Variants in LRRC4C observed in about 807,000 individuals in gnomAD.
The protein encoded by LRRC4C is leucine-rich repeat-containing protein 4C.
A neutral mutation model predicts 33.6 loss-of-function variants in LRRC4C; 5 were observed. That is an observed-to-expected ratio of 0.15 (90% CI 0.08 to 0.31). The LOEUF (loss-of-function observed/expected upper bound fraction) is 0.31, where lower values mean the gene tolerates loss of function less well. LRRC4C is among the 10% of genes least tolerant of loss of function. The pLI, the probability that LRRC4C is intolerant of heterozygous loss-of-function variation, is 1.00. For synonymous variants in LRRC4C, 329 were observed against 302.0 expected, an observed-to-expected ratio of 1.09 and a Z score of -0.93; for missense variants, 560 against 796.7, an observed-to-expected ratio of 0.70 and a Z score of 3.58.
chr11:40,630,921 G>A (rs1348230266), intron 3 of LRRC4C, among the ~76,000 whole-genome samples: 1 of 151,884 alleles, frequency 6.6e-6, no homozygotes, highest in Non-Finnish European at 1.5e-5. Flanking sequence ...ATTTTCTCTG[G>A]GGCACAGTTT....
chr11:40,473,776 G>T (rs1350953226), intron 3 of LRRC4C, among the ~76,000 whole-genome samples: 2 of 151,998 alleles, frequency 1.3e-5, no homozygotes, highest in Non-Finnish European at 2.9e-5. Flanking sequence ...AAAATCAATG[G>T]ACAAAAATCA....
intron 3 of LRRC4C, among the ~76,000 whole-genome samples, chr11:40,627,270 A>AGAGC (rs542738826): frequency 0.049 from 3,235 of 65,680 alleles, 47 homozygotes; most frequent in South Asian, 0.13. Flanking sequence ...AGAGAGAGAG[A>AGAGC]GAGAGCGAGA....
intron 5 of LRRC4C, among the ~76,000 whole-genome samples, chr11:40,237,846 A>G (rs532819322): frequency 6.6e-6 from 1 of 152,322 alleles, no homozygotes; most frequent in African/African-American, 2.4e-5. Context: ...AAGTTGGAGC[A>G]TGAGAAGGAA....
At chr11:41,287,400 G>C (rs966104365) in intron 1 of LRRC4C, among the ~76,000 whole-genome samples, 5 of 152,122 alleles carry the variant, frequency 3.3e-5, no homozygotes, top group Admixed American at 6.6e-5. Flanking sequence ...TTTGACTCAA[G>C]TATTAGGTTG....
chr11:41,088,456 C>A (rs1940165328), intron 1 of LRRC4C, among the ~76,000 whole-genome samples: 1 of 92,700 alleles, frequency 1.1e-5, no homozygotes. Flanking sequence ...TTGGTATTAA[C>A]CTGGCTCTTT....
intron 1 of LRRC4C, among the ~76,000 whole-genome samples, chr11:41,036,453 T>C (rs1484299180): frequency 6.6e-6 from 1 of 152,166 alleles, no homozygotes; most frequent in African/African-American, 2.4e-5. Flanking sequence ...AAGAAACCCA[T>C]AGGGTCTTTT....
At chr11:40,256,113 C>T (rs1485886202) in intron 4 of LRRC4C, among the ~76,000 whole-genome samples, 1 of 152,168 alleles carries the variant, frequency 6.6e-6, no homozygotes, top group Non-Finnish European at 1.5e-5. Flanking sequence ...ATGCATTCTG[C>T]AGAGCAACAT....
At chr11:40,311,460 A>C (rs1280426404) in intron 4 of LRRC4C, among the ~76,000 whole-genome samples, 2 of 152,228 alleles carry the variant, frequency 1.3e-5, no homozygotes, top group Non-Finnish European at 2.9e-5. Context: ...CATTGAAAGA[A>C]AATCTCTTTC....
chr11:40,253,405 A>T (rs1866943696), intron 4 of LRRC4C, among the ~76,000 whole-genome samples: 2 of 152,206 alleles, frequency 1.3e-5, no homozygotes, highest in Non-Finnish European at 2.9e-5. Context: ...GCTGGTATAA[A>T]AACAGACAGA....
rs185873756 is a variant in LRRC4C, at chr11:40,889,484, T to C, written c.-407+44151A>G. Among the ~76,000 whole-genome samples the C allele has an allele frequency of 1.1e-3, 174 of 152,230 alleles. 1 individual carries two copies. Among genetic ancestry groups the C allele is most frequent in the Middle Eastern group, 0.01 (3 of 294 alleles). Reference sequence around the variant, plus strand: ...ATATTTTGTATACCATTAACAGGTATTCCTTATTAAAATAAGCATAGAACA... The same window carrying C: ...ATATTTTGTATACCATTAACAGGTACTCCTTATTAAAATAAGCATAGAACA... On this transcript the variant is annotated intron_variant, in intron 2 of 6. Coordinates refer to ENST00000528697, the MANE Select transcript of LRRC4C (RefSeq NM_001258419.2).
At chr11:40,460,435 G>A (rs998080472) in intron 3 of LRRC4C, among the ~76,000 whole-genome samples, 21 of 151,890 alleles carry the variant, frequency 1.4e-4, no homozygotes, top group Non-Finnish European at 2.5e-4. Context: ...GAAAAGAAGA[G>A]GACTTTGGTG....
intron 1 of LRRC4C, among the ~76,000 whole-genome samples, chr11:41,366,794 G>T (rs1230400312): frequency 2.0e-5 from 3 of 152,122 alleles, no homozygotes; most frequent in Non-Finnish European, 4.4e-5. Flanking sequence ...ACTGGAGGAA[G>T]AAATCTATCT....
chr11:41,227,283 A>G (rs1237763122), intron 1 of LRRC4C, among the ~76,000 whole-genome samples: 1 of 152,020 alleles, frequency 6.6e-6, no homozygotes, highest in Admixed American at 6.6e-5. Flanking sequence ...TATTATATAC[A>G]TTTAAGATCA....
chr11:40,901,998 C>A (rs866674469), intron 2 of LRRC4C, among the ~76,000 whole-genome samples: 5 of 126,024 alleles, frequency 4.0e-5, no homozygotes, highest in East Asian at 2.3e-4. Context: ...CTCTCTCTCT[C>A]TACACACACA....
At chr11:40,855,515 G>T (rs1953737816) in intron 2 of LRRC4C, among the ~76,000 whole-genome samples, 1 of 152,040 alleles carries the variant, frequency 6.6e-6, no homozygotes, top group South Asian at 2.1e-4. Flanking sequence ...AGCCTTTCTG[G>T]GATGTGTGTT....
intron 3 of LRRC4C, among the ~76,000 whole-genome samples, chr11:40,381,595 C>T (rs996036214): frequency 2.6e-4 from 40 of 152,192 alleles, no homozygotes; most frequent in African/African-American, 9.6e-4. Flanking sequence ...CAAGCATAAA[C>T]TGATTATCTG....
chr11:41,421,194 AGTT>A (rs957657900), intron 1 of LRRC4C, among the ~76,000 whole-genome samples: 1 of 152,012 alleles, frequency 6.6e-6, no homozygotes, highest in Non-Finnish European at 1.5e-5. Context: ...TAATAAAAAC[AGTT>A]GTTTGCTATT....
At chr11:40,220,491 G>T (rs1368270834) in intron 5 of LRRC4C, among the ~76,000 whole-genome samples, 1 of 152,134 alleles carries the variant, frequency 6.6e-6, no homozygotes, top group Non-Finnish European at 1.5e-5. Flanking sequence ...GCCTAAATAT[G>T]AGTGATCCCT....
At position 40,960,376 on chromosome 11, in the gene LRRC4C, T is replaced by C. The variant is rs185195833; in HGVS notation, c.-495-26653A>G. Among the ~76,000 whole-genome samples the C allele has an allele frequency of 2.7e-3, 411 of 151,882 alleles. 2 individuals are homozygous for C. Among genetic ancestry groups the C allele is most frequent in the African/African-American group, 9.3e-3 (386 of 41,524 alleles). On this transcript the variant is annotated intron_variant, in intron 1 of 6. Coordinates refer to ENST00000528697, the MANE Select transcript of LRRC4C (RefSeq NM_001258419.2). The stretch of plus-strand genomic sequence containing the variant: ...TAGTATTTATTCTATAACTATTTTG[T>C]TTTACTTTTGTAGTTTCTTTTAATT...
Sources: allele counts gnomAD v4.1 joint callset (sites outside exome capture counted in the v4.1 genomes callset), GRCh38; gene constraint gnomAD v4.1.1; transcripts MANE v1.5; gene names NCBI Gene and HGNC (gene_info 2026-07-23, HGNC 2026-07-21).